EHBP1: variants seen among roughly 807,000 people sequenced by gnomAD.
EHBP1 encodes EH domain-binding protein 1.
Under a neutral mutation model 144.0 loss-of-function variants are expected in EHBP1, and 55 were observed. The observed-to-expected ratio is 0.38, with a 90% CI of 0.31 to 0.48. EHBP1 has a LOEUF of 0.48. Among genes scored for constraint, EHBP1 ranks in the 20% least tolerant of loss-of-function variants. The pLI is 0.98. For missense variants in EHBP1, 1,200 were observed against 1,364.2 expected, an observed-to-expected ratio of 0.88 and a Z score of 1.90; for synonymous variants, 469 against 472.7, an observed-to-expected ratio of 0.99 and a Z score of 0.10.
chr2:62,878,142 A>T (rs1324237372), intron 10 of EHBP1, among the ~76,000 whole-genome samples: 1 of 152,200 alleles, frequency 6.6e-6, no homozygotes, highest in Admixed American at 6.5e-5. Context: ...CAAAGGAGAC[A>T]TTACCACCAA....
chr2:63,035,620 A>G (rs892921168), intron 19 of EHBP1, among the ~76,000 whole-genome samples: 1 of 152,070 alleles, frequency 6.6e-6, no homozygotes, highest in Non-Finnish European at 1.5e-5. Context: ...AGTTTTAATA[A>G]GTCTATATTT....
At chr2:62,832,295 G>C (rs1669250959) in intron 7 of EHBP1, among the ~76,000 whole-genome samples, 1 of 151,842 alleles carries the variant, frequency 6.6e-6, no homozygotes. Flanking sequence ...CTAGATATGT[G>C]ATTTATACAT....
chr2:62,901,900 G>A (rs2053444279), intron 10 of EHBP1, among the ~76,000 whole-genome samples: 1 of 151,928 alleles, frequency 6.6e-6, no homozygotes, highest in Admixed American at 6.6e-5. Flanking sequence ...AGGAGGTTGA[G>A]GCTGCAGTGA....
At position 62,879,845 on chromosome 2, in the gene EHBP1, G is replaced by GA. The variant is rs576927939; in HGVS notation, c.1185+5323dup. Among the ~76,000 whole-genome samples the GA allele has an allele frequency of 4.2e-3, 613 of 146,448 alleles. 4 individuals carry two copies. Among genetic ancestry groups the GA allele is most frequent in the African/African-American group, 8.8e-3 (351 of 40,014 alleles). On this transcript the variant is annotated intron_variant, in intron 10 of 22. Coordinates refer to ENST00000431489, the MANE Select transcript of EHBP1 (RefSeq NM_001142616.3). ...TACCAATGAATTTTTCACAAAATTA[G>GA]AAAAAAAAAACTATTCCAAAATTCA...
At chr2:63,007,686 C>G (rs945169619) in intron 19 of EHBP1, among the ~76,000 whole-genome samples, 1 of 151,664 alleles carries the variant, frequency 6.6e-6, no homozygotes, top group Non-Finnish European at 1.5e-5. Context: ...TTAATTCACT[C>G]AAATAAATAG....
At chr2:62,811,871 T>C (rs1211717664) in intron 5 of EHBP1, among the ~76,000 whole-genome samples, 1 of 152,208 alleles carries the variant, frequency 6.6e-6, no homozygotes, top group East Asian at 1.9e-4. Context: ...TCTGATCCAC[T>C]GAGACTTTTA....
chr2:62,806,089 C>A (rs1026383283), intron 5 of EHBP1, among the ~76,000 whole-genome samples: 1 of 152,108 alleles, frequency 6.6e-6, no homozygotes. Flanking sequence ...AAGTGATCAT[C>A]CTGCCTCAGC....
At chr2:62,929,705 C>G (rs1261308531) in intron 10 of EHBP1, among the ~76,000 whole-genome samples, 4 of 152,016 alleles carry the variant, frequency 2.6e-5, no homozygotes. Context: ...TATTGAAAGT[C>G]CTAGCCATCA....
Position 62,948,410 on chromosome 2 carries a change from A to T in EHBP1, c.1564A>T (p.Ile522Leu). 1 of 1,614,052 alleles carries T rather than the reference A, an allele frequency of 6.2e-7. No homozygotes were observed. The highest frequency in any genetic ancestry group is 8.5e-7 in the Non-Finnish European group (1 of 1,179,958). ...TGGCCAAGAACTAAATGTCGTTCAG[A>T]TAGAGGAAAACAGCAGTAAAAGCAC... ...FSGQELNVVQ[I>L]EENSSKSTYK... The change falls in exon 13 of 23, where the codon ATA becomes TTA. Residue 522 changes from isoleucine to leucine, a missense_variant. Around this residue, in one of 6 missense-constraint regions of EHBP1, gnomAD observed 94 missense variants for 143.0 expected, o/e 0.66. Coordinates refer to ENST00000431489, the MANE Select transcript of EHBP1 (RefSeq NM_001142616.3).
intron 7 of EHBP1, among the ~76,000 whole-genome samples, chr2:62,837,510 G>A (rs1338276946): frequency 2.0e-5 from 3 of 151,852 alleles, no homozygotes; most frequent in Non-Finnish European, 4.4e-5. Flanking sequence ...AAATATACAT[G>A]GACTAAATGC....
intron 19 of EHBP1, among the ~76,000 whole-genome samples, chr2:63,031,414 GTGAC>G (rs1446058441): frequency 6.6e-6 from 1 of 152,174 alleles, no homozygotes; most frequent in East Asian, 1.9e-4. Flanking sequence ...GCCTGTAAAA[GTGAC>G]TGACTGTATT....
At chr2:63,032,833 AT>A (rs2061318906) in intron 19 of EHBP1, among the ~76,000 whole-genome samples, 1 of 152,146 alleles carries the variant, frequency 6.6e-6, no homozygotes, top group African/African-American at 2.4e-5. Flanking sequence ...AATAAAAGAT[AT>A]GTGTGAGAGA....
intron 3 of EHBP1, among the ~76,000 whole-genome samples, chr2:62,763,945 A>G (rs2040965982): frequency 6.6e-6 from 1 of 152,154 alleles, no homozygotes; most frequent in African/African-American, 2.4e-5. Context: ...AACAGATAGT[A>G]GCTTTTGAAA....
chr2:62,731,129 A>C (rs928927672), intron 2 of EHBP1, among the ~76,000 whole-genome samples: 1 of 151,156 alleles, frequency 6.6e-6, no homozygotes, highest in African/African-American at 2.4e-5. Flanking sequence ...TATTTATTGG[A>C]TTTATACCTA....
At chr2:62,896,894 A>C (rs1037690293) in intron 10 of EHBP1, among the ~76,000 whole-genome samples, 1 of 152,014 alleles carries the variant, frequency 6.6e-6, no homozygotes, top group Non-Finnish European at 1.5e-5. Flanking sequence ...ATTTTAGTCT[A>C]TCTTATTGAT....
intron 16 of EHBP1, among the ~76,000 whole-genome samples, chr2:62,993,324 T>G (rs765743439): frequency 6.6e-6 from 1 of 152,152 alleles, no homozygotes; most frequent in South Asian, 2.1e-4. Context: ...GTATCAAAGT[T>G]ATCAAGAGTT....
chr2:62,903,508 A>G (rs1169123405), intron 10 of EHBP1, among the ~76,000 whole-genome samples: 2 of 152,202 alleles, frequency 1.3e-5, no homozygotes, highest in East Asian at 3.8e-4. Flanking sequence ...CACGCCTGCA[A>G]TCCCAGCACT....
At chr2:62,984,615 T>A (rs989083430) in intron 15 of EHBP1, among the ~76,000 whole-genome samples, 12 of 152,322 alleles carry the variant, frequency 7.9e-5, no homozygotes, top group Admixed American at 6.5e-4. Context: ...TGTTAGGAAA[T>A]ATGTAACATT....
At chr2:62,818,400 G>T (rs2045606470) in intron 5 of EHBP1, among the ~76,000 whole-genome samples, 1 of 151,948 alleles carries the variant, frequency 6.6e-6, no homozygotes, top group Non-Finnish European at 1.5e-5. Flanking sequence ...TGTTAGGATT[G>T]CCTAAAGTAT....
Sources: allele counts gnomAD v4.1 joint callset (sites outside exome capture counted in the v4.1 genomes callset), GRCh38; gene constraint gnomAD v4.1.1; regional missense constraint gnomAD v4.1.1; transcripts MANE v1.5; gene names NCBI Gene and HGNC (gene_info 2026-07-23, HGNC 2026-07-21).